CDC123: variants seen among roughly 807,000 people sequenced by gnomAD.
CDC123 encodes the protein cell division cycle 123.
Under a neutral mutation model 54.4 loss-of-function variants are expected in CDC123, and 37 were observed. The ratio of observed to expected loss-of-function variants is 0.68; its 90% CI spans 0.52 to 0.89. The LOEUF is 0.89. Among genes scored for constraint, CDC123 ranks in the 40% least tolerant of loss-of-function variants. The probability of loss-of-function intolerance (pLI) is 0.00; values close to 1 mark genes in which losing one functional copy is unlikely to be tolerated. For synonymous variants in CDC123, 144 were observed against 136.8 expected, an observed-to-expected ratio of 1.05 and a Z score of -0.37; for missense variants, 361 against 412.1, an observed-to-expected ratio of 0.88 and a Z score of 1.07.
At chr10:12,199,217 A>G (rs1387200161) in intron 2 of CDC123, among the ~76,000 whole-genome samples, 27 of 152,194 alleles carry the variant, frequency 1.8e-4, no homozygotes, top group Admixed American at 1.8e-3. Context: ...CTGTTCAGGT[A>G]GTTTCCCTAT....
intron 2 of CDC123, among the ~76,000 whole-genome samples, chr10:12,200,333 G>T (rs1835424839): frequency 6.6e-6 from 1 of 150,378 alleles, no homozygotes; most frequent in African/African-American, 2.4e-5. Flanking sequence ...CACCATGTTG[G>T]CCGGGCTGTC....
At position 12,240,509 on chromosome 10, in the gene CDC123, C is replaced by T. The variant is rs187308568; in HGVS notation, c.717+2024C>T. Among the ~76,000 whole-genome samples the T allele has an allele frequency of 1.1e-4, 16 of 152,324 alleles. No homozygotes were observed. In the East Asian group the frequency reaches 2.7e-3, roughly 26 times the overall value. On this transcript the variant is annotated intron_variant, in intron 10 of 12. Transcript: ENST00000281141. ...CTGTTAACTGTTCATTTAACTCTTACGTCAAAAGACATCACTATATTTTCA... is the reference window on the plus strand; with the variant it reads ...CTGTTAACTGTTCATTTAACTCTTATGTCAAAAGACATCACTATATTTTCA...
At chr10:12,223,998 T>G (rs939706529) in intron 6 of CDC123, among the ~76,000 whole-genome samples, 1 of 152,164 alleles carries the variant, frequency 6.6e-6, no homozygotes, top group Non-Finnish European at 1.5e-5. Context: ...ACGTGTAGTC[T>G]TTTATCCCTC....
chr10:12,218,252 T>TC (rs1235785658), intron 6 of CDC123, among the ~76,000 whole-genome samples: 6 of 146,556 alleles, frequency 4.1e-5, no homozygotes, highest in African/African-American at 1.5e-4. Flanking sequence ...TTTTTCTTTT[T>TC]TTTTTTTTTT....
intron 6 of CDC123, among the ~76,000 whole-genome samples, chr10:12,223,818 G>A (rs1218175876): frequency 6.6e-6 from 1 of 152,098 alleles, no homozygotes; most frequent in African/African-American, 2.4e-5. Flanking sequence ...GACAAGGGAT[G>A]TGTAATTATC....
chr10:12,200,847 T>G (rs1835429492), intron 2 of CDC123, among the ~76,000 whole-genome samples: 2 of 152,024 alleles, frequency 1.3e-5, no homozygotes, highest in African/African-American at 4.8e-5. Context: ...GCAGGAGAAT[T>G]ACTTGAACGC....
intron 8 of CDC123, 61 bp from the exon 9 acceptor site, chr10:12,237,083 G>A (rs547757608): frequency 4.8e-4 from 688 of 1,439,064 alleles, no homozygotes; most frequent in Non-Finnish European, 6.1e-4. Flanking sequence ...TTTAAATCAC[G>A]TATTGATGTT....
intron 1 of CDC123, among the ~76,000 whole-genome samples, chr10:12,196,924 T>A (rs1393694496): frequency 1.3e-5 from 2 of 152,226 alleles, no homozygotes; most frequent in Non-Finnish European, 2.9e-5. Context: ...TACAATTTCA[T>A]CTCTCAGTTT....
intron 10 of CDC123, among the ~76,000 whole-genome samples, chr10:12,240,357 TCTC>T (rs2131764735): frequency 6.6e-6 from 1 of 152,104 alleles, no homozygotes; most frequent in African/African-American, 2.4e-5. Context: ...TATTTCTCAT[TCTC>T]TCTCCGTGCT....
intron 12 of CDC123, 156 bp downstream of exon 12, chr10:12,249,874 T>G: frequency 1.0e-6 from 1 of 984,546 alleles, no homozygotes; most frequent in African/African-American, 1.6e-5. Flanking sequence ...TAATTAAATA[T>G]GAAATAGGAG....
intron 4 of CDC123, among the ~76,000 whole-genome samples, chr10:12,212,045 G>T (rs11257599): frequency 6.6e-6 from 1 of 151,968 alleles, no homozygotes; most frequent in South Asian, 2.1e-4. Flanking sequence ...CCAAGATTGC[G>T]CCACTGCACT....
chr10:12,242,668 G>A (rs935441582), intron 10 of CDC123, among the ~76,000 whole-genome samples: 13 of 152,154 alleles, frequency 8.5e-5, no homozygotes, highest in Admixed American at 5.2e-4. Flanking sequence ...ATGGCCGGGC[G>A]TGGTGGCTCA....
chr10:12,198,574 T>G, intron 1 of CDC123, 131 bp from the exon 2 acceptor site: 1 of 651,934 alleles, frequency 1.5e-6, no homozygotes, highest in South Asian at 1.7e-5. Context: ...TGCTACCAAA[T>G]GTACATCATT....
chr10:12,196,466 T>C, intron 1 of CDC123, 147 bp downstream of exon 1: 1 of 1,087,966 alleles, frequency 9.2e-7, no homozygotes, highest in East Asian at 2.6e-5. Context: ...AGCAATTGTC[T>C]GCGTCCTGTT....
Position 12,237,270 on chromosome 10 carries a change from A to G in CDC123, c.688+4A>G. ...TACAAATTCTTAGATGAAGACTGTG[A>G]GTATTTTTTTATTGATCCAGTAAAA... is the stretch of plus-strand genomic sequence containing the variant. On this transcript the variant is annotated splice_donor_region_variant and intron_variant, in intron 9 of 12. Transcript: ENST00000281141. 6.5e-7 allele frequency: 1 copy of G among 1,535,428 alleles called. No individual in the cohort carries two copies.
At position 12,236,840 on chromosome 10, in the gene CDC123, G is replaced by A. The variant is rs565325671; in HGVS notation, c.566-304G>A. On this transcript the variant is annotated intron_variant, in intron 8 of 12. Transcript: ENST00000281141. Reference sequence around the variant, plus strand: ...CGGGCAGCAGAGGTTGCAGTGAGCCGAGATCGTGCCACTGCACTCCAGCCT... The same window carrying A: ...CGGGCAGCAGAGGTTGCAGTGAGCCAAGATCGTGCCACTGCACTCCAGCCT... Among the ~76,000 whole-genome samples, 17 of 151,244 alleles carry A rather than the reference G, an allele frequency of 1.1e-4. No individual in the cohort carries two copies. The South Asian group carries it at 3.1e-3, about 28-fold the overall frequency.
intron 2 of CDC123, among the ~76,000 whole-genome samples, chr10:12,199,351 T>C (rs1588667590): frequency 6.6e-6 from 1 of 152,346 alleles, no homozygotes; most frequent in African/African-American, 2.4e-5. Context: ...AGAAGTCACG[T>C]TATGAGTGTT....
intron 7 of CDC123, among the ~76,000 whole-genome samples, chr10:12,234,420 A>G (rs1835949491): frequency 2.0e-5 from 3 of 152,310 alleles, no homozygotes; most frequent in Admixed American, 2.0e-4. Flanking sequence ...GGGTTTTACC[A>G]TGTTGGCCAG....
chr10:12,199,820 T>G (rs1341990447), intron 2 of CDC123, among the ~76,000 whole-genome samples: 1 of 152,158 alleles, frequency 6.6e-6, no homozygotes, highest in African/African-American at 2.4e-5. Context: ...GATATAATTT[T>G]TTTTGTTTTG....
Sources: gnomAD v4.1 joint callset for allele counts (sites outside exome capture counted in the v4.1 genomes callset) on GRCh38, gnomAD v4.1.1 for gene constraint, MANE v1.5 for transcripts, NCBI Gene and HGNC (gene_info 2026-07-23, HGNC 2026-07-21) for gene names.